The following CD2AP variants were observed in gnomAD, a reference collection of about 807,000 sequenced individuals.
The protein encoded by CD2AP is CD2 associated protein, also known as CD2-associated protein.
Under a neutral mutation model 85.1 loss-of-function variants are expected in CD2AP, and 46 were observed. The observed-to-expected ratio is 0.54, with a 90% confidence interval of 0.43 to 0.69. The LOEUF (loss-of-function observed/expected upper bound fraction) is 0.69. Ranked by LOEUF, CD2AP falls within the 30% of genes least tolerant of loss-of-function variation. The probability of loss-of-function intolerance (pLI) is 0.00; values close to 1 mark genes in which losing one functional copy is unlikely to be tolerated. For synonymous variants in CD2AP, 255 were observed against 252.9 expected, an observed-to-expected ratio of 1.01 and a Z score of -0.08; for missense variants, 769 against 729.5, an observed-to-expected ratio of 1.05 and a Z score of -0.62.
chr6:47,495,638 A>T (rs1349722807), intron 1 of CD2AP, among the ~76,000 whole-genome samples: 1 of 152,124 alleles, frequency 6.6e-6, no homozygotes. Context: ...CTGTATCTTT[A>T]GGTGGTAGTT....
At chr6:47,543,254 G>A (rs1399793967) in intron 3 of CD2AP, among the ~76,000 whole-genome samples, 1 of 151,410 alleles carries the variant, frequency 6.6e-6, no homozygotes. Context: ...AGTTGAAGGT[G>A]GGCTTCGTGG....
At chr6:47,571,033 T>G (rs1768136708) in intron 5 of CD2AP, among the ~76,000 whole-genome samples, 2 of 152,186 alleles carry the variant, frequency 1.3e-5, no homozygotes, top group Non-Finnish European at 2.9e-5. Context: ...CCTTTTTTTT[T>G]GTTTTATGGC....
At chr6:47,589,668 G>A (rs1426188419) in intron 11 of CD2AP, among the ~76,000 whole-genome samples, 3 of 151,552 alleles carry the variant, frequency 2.0e-5, no homozygotes, top group Non-Finnish European at 2.9e-5. Flanking sequence ...GGAGAGCCCA[G>A]TAAAGTCTGG....
At chr6:47,497,145 G>A (rs62410680) in intron 1 of CD2AP, among the ~76,000 whole-genome samples, 47,167 of 150,444 alleles carry the variant, frequency 0.31, 8,419 homozygotes, top group Middle Eastern at 0.5. Context: ...TGACCATGTC[G>A]TGTTTTTTTT....
At chr6:47,501,167 G>A (rs930116156) in intron 1 of CD2AP, among the ~76,000 whole-genome samples, 9 of 152,116 alleles carry the variant, frequency 5.9e-5, no homozygotes, top group Non-Finnish European at 1.3e-4. Flanking sequence ...TGGGAGGATC[G>A]CTTGAGCCCA....
chr6:47,570,088 T>A (rs1331610028), intron 5 of CD2AP, among the ~76,000 whole-genome samples: 1 of 152,206 alleles, frequency 6.6e-6, no homozygotes, highest in Non-Finnish European at 1.5e-5. Flanking sequence ...AAGATGACTT[T>A]AATGGTGAAC....
At chr6:47,574,534 G>T (rs1482791337) in intron 6 of CD2AP, among the ~76,000 whole-genome samples, 1 of 147,988 alleles carries the variant, frequency 6.8e-6, no homozygotes, top group South Asian at 2.1e-4. Context: ...AAAATTAGAG[G>T]GTTTTTTGCC....
chr6:47,497,232 C>T (rs944695166), intron 1 of CD2AP, among the ~76,000 whole-genome samples: 1 of 136,478 alleles, frequency 7.3e-6, no homozygotes, highest in Non-Finnish European at 1.6e-5. Flanking sequence ...CCTTTCCTTT[C>T]CTTTTCCTTT....
chr6:47,540,987 G>A (rs959600476), intron 3 of CD2AP, among the ~76,000 whole-genome samples: 38 of 152,150 alleles, frequency 2.5e-4, no homozygotes, highest in African/African-American at 8.0e-4. Flanking sequence ...GAGATGAGAA[G>A]TTTTCCTATA....
intron 11 of CD2AP, among the ~76,000 whole-genome samples, chr6:47,590,445 A>T (rs1460952424): frequency 6.6e-6 from 1 of 152,182 alleles, no homozygotes; most frequent in East Asian, 1.9e-4. Context: ...TATGGAAAAG[A>T]CCTTAAGAGA....
chr6:47,580,159 T>C (rs923878291), intron 9 of CD2AP, among the ~76,000 whole-genome samples: 13 of 152,240 alleles, frequency 8.5e-5, no homozygotes, highest in Admixed American at 7.2e-4. Flanking sequence ...TTAGATTGCA[T>C]TCAGTATTGA....
intron 1 of CD2AP, among the ~76,000 whole-genome samples, chr6:47,492,347 C>CATT (rs1554167732): frequency 8.4e-5 from 8 of 95,512 alleles, no homozygotes; most frequent in South Asian, 3.9e-4. Flanking sequence ...CACCTGTAAT[C>CATT]TTTTTTTTTT....
At chr6:47,527,258 A>G (rs1424067141) in intron 2 of CD2AP, among the ~76,000 whole-genome samples, 1 of 152,240 alleles carries the variant, frequency 6.6e-6, no homozygotes, top group African/African-American at 2.4e-5. Context: ...ACACTCAATG[A>G]AGAAGTATAC....
At chr6:47,588,708 T>G (rs1768694867) in intron 11 of CD2AP, among the ~76,000 whole-genome samples, 1 of 152,140 alleles carries the variant, frequency 6.6e-6, no homozygotes, top group Non-Finnish European at 1.5e-5. Flanking sequence ...ATTATATCTT[T>G]CCATTCTGCC....
intron 5 of CD2AP, among the ~76,000 whole-genome samples, chr6:47,555,051 A>G (rs2114063255): frequency 6.6e-6 from 1 of 152,264 alleles, no homozygotes; most frequent in South Asian, 2.1e-4. Flanking sequence ...CTTCCTAGTA[A>G]AGATATATTT....
intron 5 of CD2AP, among the ~76,000 whole-genome samples, chr6:47,566,265 C>T (rs1010389387): frequency 2.1e-5 from 3 of 140,456 alleles, no homozygotes; most frequent in Non-Finnish European, 4.6e-5. Flanking sequence ...GTTGCTATTG[C>T]TTATTAAGCT....
rs1283090193 is a variant in CD2AP, at chr6:47,609,191, A to G, written c.1701A>G (p.Leu567=). The part of the protein sequence containing the change: ...KANTTAFLTP[L]EIKAKVETDD... ...ATACAACTGCTTTCCTGACTCCATTAGAAATCAAAGCTAAAGTGGAAACAG... is the reference window on the plus strand; with the variant it reads ...ATACAACTGCTTTCCTGACTCCATTGGAAATCAAAGCTAAAGTGGAAACAG... The change falls in exon 16 of 18, where the codon TTA becomes TTG. Residue 567 remains leucine (L), a synonymous_variant. Coordinates refer to ENST00000359314, the MANE Select transcript of CD2AP (RefSeq NM_012120.3). 6.2e-7 allele frequency: 1 copy of G among 1,613,518 alleles called. No homozygotes were observed. The highest frequency in any genetic ancestry group is 8.5e-7 in the Non-Finnish European group (1 of 1,179,556).
rs6917070 is a variant in CD2AP at position 47,574,970 on chromosome 6, G to A, written c.729+719G>A. 2.5e-3 allele frequency among the ~76,000 whole-genome samples: 382 copies of A among 152,250 alleles called. 1 individual carries two copies. The highest frequency in any genetic ancestry group is 8.5e-3 in the African/African-American group (353 of 41,548). ...GTATTTCAGTATTTATTTGATTCGTGTAGCTACATCTCATTTAAAGACTGT... is the reference window on the plus strand; with the variant it reads ...GTATTTCAGTATTTATTTGATTCGTATAGCTACATCTCATTTAAAGACTGT... On this transcript the variant is annotated intron_variant, in intron 6 of 17. Coordinates refer to ENST00000359314, the MANE Select transcript of CD2AP (RefSeq NM_012120.3).
At chr6:47,614,169 G>T (rs1360051188) in intron 17 of CD2AP, among the ~76,000 whole-genome samples, 1 of 152,176 alleles carries the variant, frequency 6.6e-6, no homozygotes, top group Non-Finnish European at 1.5e-5. Flanking sequence ...TATGTTCACT[G>T]CAGTAGCACT....
Sources: allele counts gnomAD v4.1 joint callset (sites outside exome capture counted in the v4.1 genomes callset), GRCh38; gene constraint gnomAD v4.1.1; transcripts MANE v1.5; gene names NCBI Gene and HGNC (gene_info 2026-07-23, HGNC 2026-07-21).